ECE1: variants seen among roughly 807,000 people sequenced by gnomAD.
ECE1 encodes the protein endothelin-converting enzyme 1.
A neutral mutation model predicts 98.6 loss-of-function variants in ECE1; 35 were observed. The observed-to-expected ratio is 0.35, with a 90% confidence interval of 0.27 to 0.47. The LOEUF is 0.47. ECE1 is among the 20% of genes least tolerant of loss of function. The pLI, the probability that ECE1 is intolerant of heterozygous loss-of-function variation, is 1.00. For missense variants in ECE1, 814 were observed against 1,025.3 expected, an observed-to-expected ratio of 0.79 and a Z score of 2.81; for synonymous variants, 394 against 407.1, an observed-to-expected ratio of 0.97 and a Z score of 0.39.
intron 8 of ECE1, among the ~76,000 whole-genome samples, chr1:21,248,232 G>A (rs2098206797): frequency 6.6e-6 from 1 of 151,428 alleles, no homozygotes; most frequent in Non-Finnish European, 1.5e-5. Context: ...GTGCAGTGGT[G>A]CCATCTTGGC....
At chr1:21,296,853 T>C (rs774521236) in intron 1 of ECE1, among the ~76,000 whole-genome samples, 2 of 152,090 alleles carry the variant, frequency 1.3e-5, no homozygotes, top group Non-Finnish European at 2.9e-5. Context: ...TAGGGACAGA[T>C]ATAACTGCTG....
chr1:21,250,875 T>C (rs1339609973), intron 8 of ECE1, among the ~76,000 whole-genome samples: 2 of 152,114 alleles, frequency 1.3e-5, no homozygotes, highest in South Asian at 2.1e-4. Flanking sequence ...GGCATTATGG[T>C]GGACGCCTGT....
chr1:21,327,574 A>G lies in ECE1; in HGVS notation c.3+17802T>C, dbSNP rs1179977124. Among the ~76,000 whole-genome samples the G allele has an allele frequency of 6.6e-6, 1 of 152,084 alleles. No homozygotes were observed. Among genetic ancestry groups the G allele is most frequent in the Non-Finnish European group, 1.5e-5 (1 of 68,022 alleles). ...GAGACCTCCACCCTGCTTGTTACAC[A>G]TTTTTGCCTTTTCTTACTTTGAGGG... On this transcript the variant is annotated intron_variant, in intron 1 of 18. Transcript: ENST00000415912. This position sits in a 1 kb window ranked among gnomAD's most constrained non-coding sequence, Gnocchi z 4.6.
rs1455325558 is a variant in ECE1, at chr1:21,238,127, C to T, written c.1389+7G>A. 1.2e-6 allele frequency: 2 copies of T among 1,613,238 alleles called. No homozygotes were observed. Among genetic ancestry groups the T allele is most frequent in the Non-Finnish European group, 1.7e-6 (2 of 1,179,274 alleles). ...TCACAGCCTGTGTCCACGGGGAAGG[C>T]ACTTACTATGCTCTTGCTGTCCTCG... On this transcript the variant is annotated splice_region_variant and intron_variant, in intron 11 of 18. Coordinates refer to ENST00000374893, the MANE Select transcript of ECE1 (RefSeq NM_001397.3).
intron 10 of ECE1, among the ~76,000 whole-genome samples, chr1:21,243,339 T>C (rs1447852589): frequency 2.0e-5 from 3 of 151,866 alleles, no homozygotes; most frequent in Non-Finnish European, 4.4e-5. Context: ...AAATATCAGA[T>C]CTGGGATTTT....
chr1:21,279,595 T>A (rs1569630715), intron 2 of ECE1: 20 of 1,435,054 alleles, frequency 1.4e-5, no homozygotes, highest in Non-Finnish European at 1.6e-5. Context: ...TCACTCGATA[T>A]GAGTGGAAGG....
In ECE1 at chr1:21,235,059, G is replaced by C. The variant is rs1380279941; in HGVS notation, c.1566+791C>G. On this transcript the variant is annotated intron_variant, in intron 13 of 18. Transcript: ENST00000374893. The surrounding 1 kb of genome is among the most constrained non-coding windows in gnomAD (Gnocchi z 4.2). Reference sequence around the variant, plus strand: ...ATTCAGGCTGGGCATGGTGGCTCATGAATATGAGCCAGCCTGGGAGGCGGA... The same window carrying C: ...ATTCAGGCTGGGCATGGTGGCTCATCAATATGAGCCAGCCTGGGAGGCGGA... Among the ~76,000 whole-genome samples, 1 of 152,156 alleles carries C rather than the reference G, an allele frequency of 6.6e-6. No individual in the cohort carries two copies. The highest frequency in any genetic ancestry group is 1.5e-5 in the Non-Finnish European group (1 of 68,036).
At chr1:21,342,809 A>G (rs1416731256) in intron 1 of ECE1, among the ~76,000 whole-genome samples, 1 of 152,224 alleles carries the variant, frequency 6.6e-6, no homozygotes, top group Non-Finnish European at 1.5e-5. Flanking sequence ...ATGACAGCAC[A>G]GGAACCAATG....
chr1:21,265,999 C>T (rs2103308581), intron 4 of ECE1: 1 of 152,318 alleles, frequency 6.6e-6, no homozygotes, highest in South Asian at 2.1e-4. Flanking sequence ...TTCCTCAGTC[C>T]CTACCCCAAA....
rs1448003737 is a variant in ECE1 at position 21,345,240 on chromosome 1, C to T, written c.3+136G>A. The T allele has an allele frequency of 1.1e-5, 13 of 1,131,322 alleles. No individual in the cohort carries two copies. The highest frequency in any genetic ancestry group is 1.4e-5 in the Non-Finnish European group (13 of 915,834). 70.1% of individuals were successfully genotyped at this position (1,131,322 alleles called of 1,614,324 possible). On this transcript the variant is annotated intron_variant, in intron 1 of 18. Coordinates refer to the ECE1 transcript ENST00000415912. The surrounding 1 kb of genome is among the most constrained non-coding windows in gnomAD (Gnocchi z 5.1). ...CCCCGACTCCACGCCTTCCGAGAGC[C>T]GGGCGGGGGCTGCTGCTGCAGCCGG... is the stretch of plus-strand genomic sequence containing the variant.
intron 10 of ECE1, among the ~76,000 whole-genome samples, chr1:21,240,941 C>T (rs1481892044): frequency 6.6e-6 from 1 of 152,232 alleles, no homozygotes; most frequent in Non-Finnish European, 1.5e-5. Context: ...TGAGCAGTTG[C>T]CCTGCATCCT....
intron 15 of ECE1, 28 bp downstream of exon 15, chr1:21,227,903 T>G: frequency 6.5e-7 from 1 of 1,535,258 alleles, no homozygotes; most frequent in East Asian, 2.5e-5. Context: ...GGAAAAGAAT[T>G]GGGGTAGGGG....
intron 1 of ECE1, among the ~76,000 whole-genome samples, chr1:21,326,617 C>T (rs1296052650): frequency 3.3e-5 from 5 of 151,668 alleles, no homozygotes; most frequent in Admixed American, 3.3e-4. Flanking sequence ...GGTTATATTT[C>T]TGGTTTCAGG....
intron 1 of ECE1, among the ~76,000 whole-genome samples, chr1:21,341,951 T>G (rs1317197361): frequency 2.0e-5 from 3 of 152,072 alleles, no homozygotes; most frequent in Non-Finnish European, 4.4e-5. Flanking sequence ...CTCACATTCT[T>G]AATAGTTCCC....
At chr1:21,227,433 G>A (rs1420068181) in intron 15 of ECE1, among the ~76,000 whole-genome samples, 1 of 152,214 alleles carries the variant, frequency 6.6e-6, no homozygotes, top group Non-Finnish European at 1.5e-5. Context: ...GTGGTCAGCT[G>A]TGCCTATTGG....
Position 21,290,075 on chromosome 1 carries a change from G to T in ECE1, c.133C>A (p.Leu45Met). 1 of 1,499,570 alleles carries T rather than the reference G, an allele frequency of 6.7e-7. No homozygotes were observed. Among genetic ancestry groups the T allele is most frequent in the South Asian group, 1.3e-5 (1 of 79,610 alleles). The allele number at this position is 1,499,570 out of a possible 1,614,324, so 92.9% of individuals were successfully genotyped here. Reference sequence around the variant, plus strand: ...AGGGAGCGGAGGGCGCCTACCTGCAGGCCGTTGGGGTATGCGTCGCCCTCG... The same window carrying T: ...AGGGAGCGGAGGGCGCCTACCTGCATGCCGTTGGGGTATGCGTCGCCCTCG... ...LSEGDAYPNG[L>M]QVNFHSPRSG... is the part of the protein sequence containing the mutation. The change falls in exon 2 of 19, where the codon CTG becomes ATG. Residue 45 changes from leucine to methionine, a missense_variant. By Grantham distance (15) the Leu-to-Met change is conservative (BLOSUM62 2). Around this residue, in one of 3 missense-constraint regions of ECE1, gnomAD observed 257 missense variants for 278.9 expected, o/e 0.92. Coordinates refer to ENST00000374893, the MANE Select transcript of ECE1 (RefSeq NM_001397.3). This position sits in a 1 kb window ranked among gnomAD's most constrained non-coding sequence, Gnocchi z 7.3.
chr1:21,227,263 G>C, intron 15 of ECE1, 37 bp from the exon 16 acceptor site: 1 of 1,596,828 alleles, frequency 6.3e-7, no homozygotes, highest in Non-Finnish European at 8.6e-7. Flanking sequence ...ATGATGCTTT[G>C]AGAGGAGGGC....
Position 21,290,276 on chromosome 1 carries a change from G to A in ECE1, c.51+88C>T, listed in dbSNP as rs574181993. On this transcript the variant is annotated intron_variant, in intron 1 of 18. Transcript: ENST00000374893. This position sits in a 1 kb window ranked among gnomAD's most constrained non-coding sequence, Gnocchi z 7.3. ...GCGCCCCGCCCCGGCCTGGACACCCGAGACCGAGACCGGCCCACGGAGCGG... is the reference window on the plus strand; with the variant it reads ...GCGCCCCGCCCCGGCCTGGACACCCAAGACCGAGACCGGCCCACGGAGCGG... 1.8e-5 allele frequency: 23 copies of A among 1,304,968 alleles called. No homozygotes were observed. The highest frequency in any genetic ancestry group is 8.6e-5 in the South Asian group (4 of 46,484). 80.8% of individuals were successfully genotyped at this position (1,304,968 alleles called of 1,614,324 possible).
Position 21,235,831 on chromosome 1 carries a change from C to T in ECE1, c.1566+19G>A. The stretch of plus-strand genomic sequence containing the variant: ...GGGGGCATTTAGGAACGCAAGGGGG[C>T]AGGGCAGCAGCTACTCACGTCATTA... On this transcript the variant is annotated intron_variant, in intron 13 of 18. Transcript: ENST00000374893. This position sits in a 1 kb window ranked among gnomAD's most constrained non-coding sequence, Gnocchi z 4.2. The T allele has an allele frequency of 6.2e-7, 1 of 1,613,692 alleles. No homozygotes were observed. Among genetic ancestry groups the T allele is most frequent in the South Asian group, 1.1e-5 (1 of 91,080 alleles).
Sources: allele counts gnomAD v4.1 joint callset (sites outside exome capture counted in the v4.1 genomes callset), GRCh38; gene constraint gnomAD v4.1.1; regional missense constraint gnomAD v4.1.1; non-coding constraint Gnocchi (gnomAD v3.1); transcripts MANE v1.5; gene names NCBI Gene and HGNC (gene_info 2026-07-23, HGNC 2026-07-21).